Variants in LARGE1 observed in about 807,000 individuals in gnomAD.
LARGE1 encodes LARGE xylosyl- and glucuronyltransferase 1.
Under a neutral mutation model 87.6 loss-of-function variants are expected in LARGE1, and 43 were observed. That is an observed-to-expected ratio of 0.49 (90% CI 0.38 to 0.63). LARGE1 has a LOEUF of 0.63. LARGE1 is among the 30% of genes least tolerant of loss of function. The pLI, the probability that LARGE1 is intolerant of heterozygous loss-of-function variation, is 0.00. For synonymous variants in LARGE1, 434 were observed against 394.6 expected (o/e 1.10, Z -1.18); for missense variants, 802 against 1,000.2 (o/e 0.80, Z 2.67).
chr22:33,145,786 A>G, the LARGE1 span, among the ~76,000 whole-genome samples: 1 of 152,230 alleles, frequency 6.6e-6, no homozygotes. Flanking sequence ...ATAGCTCACC[A>G]AATTGGCAAT....
intron 1 of LARGE1, among the ~76,000 whole-genome samples, chr22:33,882,900 A>G (rs1419434797): frequency 1.3e-5 from 2 of 151,972 alleles, no homozygotes; most frequent in South Asian, 2.1e-4. Context: ...CCATAATCCA[A>G]TTTTCCTCAC....
chr22:33,806,478 C>T (rs1370573164), intron 1 of LARGE1, among the ~76,000 whole-genome samples: 1 of 152,190 alleles, frequency 6.6e-6, no homozygotes, highest in Non-Finnish European at 1.5e-5. Flanking sequence ...TAATCACATA[C>T]ATCAAGAGGA....
At chr22:33,737,503 G>A (rs1346282209) in intron 2 of LARGE1, 1 of 152,084 alleles carries the variant, frequency 6.6e-6, no homozygotes, top group Non-Finnish European at 1.5e-5. Context: ...TGTGCTTTAG[G>A]TGCATTACTT....
At chr22:33,232,633 C>T (rs1016942386) in intron 11 of LARGE1, among the ~76,000 whole-genome samples, 1 of 152,178 alleles carries the variant, frequency 6.6e-6, no homozygotes, top group Non-Finnish European at 1.5e-5. Context: ...CCTTCCAGCT[C>T]CTGGCCTGAT....
At chr22:33,769,841 A>C (rs1398719809) in intron 1 of LARGE1, among the ~76,000 whole-genome samples, 1 of 152,118 alleles carries the variant, frequency 6.6e-6, no homozygotes, top group Non-Finnish European at 1.5e-5. Context: ...TCTCTCCTGG[A>C]TCCTCCTGCC....
chr22:33,361,419 A>G (rs2064382314), intron 9 of LARGE1, among the ~76,000 whole-genome samples: 1 of 149,218 alleles, frequency 6.7e-6, no homozygotes. Context: ...TTTTTGAAGC[A>G]ATGGCCCAGC....
chr22:33,390,512 C>T (rs1215363998), intron 7 of LARGE1, among the ~76,000 whole-genome samples: 4 of 152,056 alleles, frequency 2.6e-5, no homozygotes, highest in Non-Finnish European at 5.9e-5. Flanking sequence ...CTTCTTTGTA[C>T]CTAGACATTT....
At chr22:33,707,883 A>G (rs1416853642) in intron 2 of LARGE1, among the ~76,000 whole-genome samples, 1 of 152,158 alleles carries the variant, frequency 6.6e-6, no homozygotes, top group Non-Finnish European at 1.5e-5. Context: ...AGAAAGCCAG[A>G]GAGAAACTAG....
In LARGE1 at chr22:33,466,750, T is replaced by G. The variant is rs76926210; in HGVS notation, c.788-34485A>C. On this transcript the variant is annotated intron_variant, in intron 6 of 14. Coordinates refer to ENST00000397394, the MANE Select transcript of LARGE1 (RefSeq NM_133642.5). The stretch of plus-strand genomic sequence containing the variant: ...CACTACACACACACACCTTAAGAGT[T>G]TGTTATCACCAGGCATGGTGGCTCA... Among the ~76,000 whole-genome samples, 466 of 140,436 alleles carry G rather than the reference T, an allele frequency of 3.3e-3. 3 individuals carry two copies. The highest frequency in any genetic ancestry group is 0.025 in the South Asian group (103 of 4,108). The allele number at this position is 140,436 out of a possible 152,430, so 92.1% of individuals were successfully genotyped here.
chr22:33,149,888 A>G, the LARGE1 span, among the ~76,000 whole-genome samples: 1 of 152,100 alleles, frequency 6.6e-6, no homozygotes, highest in Non-Finnish European at 1.5e-5. Context: ...TATGCTTAGG[A>G]TCTGTCTGAA....
At chr22:33,847,326 G>C (rs921509850) in intron 1 of LARGE1, among the ~76,000 whole-genome samples, 8 of 152,150 alleles carry the variant, frequency 5.3e-5, no homozygotes, top group Non-Finnish European at 1.2e-4. Flanking sequence ...TTATTTTACA[G>C]TGTCTTATCC....
intron 1 of LARGE1, among the ~76,000 whole-genome samples, chr22:33,787,887 A>C (rs1361274422): frequency 6.6e-6 from 1 of 152,238 alleles, no homozygotes; most frequent in Non-Finnish European, 1.5e-5. Flanking sequence ...CTATTTATAG[A>C]GAATGACATA....
intron 6 of LARGE1, among the ~76,000 whole-genome samples, chr22:33,511,953 C>A (rs555771554): frequency 9.0e-4 from 137 of 152,194 alleles, no homozygotes; most frequent in African/African-American, 3.2e-3. Context: ...TACCTGAGGC[C>A]CAGGAAAGGG....
At chr22:33,691,327 C>T (rs2082093114) in intron 2 of LARGE1, among the ~76,000 whole-genome samples, 2 of 151,802 alleles carry the variant, frequency 1.3e-5, no homozygotes, top group African/African-American at 4.8e-5. Context: ...ATGGTTTCAC[C>T]CATTTCTAAA....
chr22:33,405,611 G>A (rs1157606717), intron 7 of LARGE1, among the ~76,000 whole-genome samples: 1 of 152,176 alleles, frequency 6.6e-6, no homozygotes, highest in African/African-American at 2.4e-5. Context: ...ACAGGGGCAG[G>A]AGCCTTCTGC....
chr22:33,849,524 T>C (rs1341730678), intron 1 of LARGE1, among the ~76,000 whole-genome samples: 3 of 151,742 alleles, frequency 2.0e-5, no homozygotes, highest in Non-Finnish European at 4.4e-5. Flanking sequence ...CATAACCTAC[T>C]GGGTACTAGA....
intron 6 of LARGE1, among the ~76,000 whole-genome samples, chr22:33,477,212 G>T (rs2069117957): frequency 6.6e-6 from 1 of 152,198 alleles, no homozygotes; most frequent in East Asian, 1.9e-4. Flanking sequence ...TTCCTTCTTA[G>T]TTGAATCAGG....
At chr22:33,368,355 G>A (rs529758102) in intron 9 of LARGE1, among the ~76,000 whole-genome samples, 56 of 152,066 alleles carry the variant, frequency 3.7e-4, no homozygotes, top group African/African-American at 1.2e-3. Flanking sequence ...CCAACATGGC[G>A]AAACCCCATC....
chr22:33,071,892 GT>G, the LARGE1 span, among the ~76,000 whole-genome samples: 3 of 152,176 alleles, frequency 2.0e-5, no homozygotes, highest in Non-Finnish European at 2.9e-5. Flanking sequence ...CTACCTGGCT[GT>G]TCCTGACTCT....
Sources: allele counts gnomAD v4.1 joint callset (sites outside exome capture counted in the v4.1 genomes callset), GRCh38; gene constraint gnomAD v4.1.1; transcripts MANE v1.5; gene names NCBI Gene and HGNC (gene_info 2026-07-23, HGNC 2026-07-21).